Variants in HLA-DMA observed in about 807,000 individuals in gnomAD.
HLA-DMA encodes HLA class II histocompatibility antigen, DM alpha chain.
HLA-DMA carries 20 observed loss-of-function variants against 27.3 expected under a neutral mutation model. The observed-to-expected ratio is 0.73, with a 90% CI of 0.52 to 1.07. HLA-DMA has a LOEUF of 1.07. Ranked by LOEUF, HLA-DMA falls within the 50% of genes least tolerant of loss-of-function variation. HLA-DMA has a pLI of 0.00. For missense variants in HLA-DMA, 241 were observed against 321.7 expected (o/e 0.75, Z 1.92); for synonymous variants, 111 against 126.8 (o/e 0.88, Z 0.83).
At chr6:32,951,473 T>C (rs1386212029) in intron 1 of HLA-DMA, among the ~76,000 whole-genome samples, 4 of 151,150 alleles carry the variant, frequency 2.6e-5, no homozygotes, top group Non-Finnish European at 4.4e-5. Context: ...CTACAAAAAA[T>C]ACAAAAACTT....
intron 1 of HLA-DMA, 143 bp downstream of exon 1, chr6:32,952,806 A>G: frequency 4.4e-6 from 3 of 681,146 alleles, no homozygotes; most frequent in Non-Finnish European, 8.0e-6. Flanking sequence ...CCAACCACAC[A>G]TAGCAGCTGT....
In HLA-DMA at chr6:32,950,332, C is replaced by T. The variant is rs1003147733; in HGVS notation, c.373+187G>A. On this transcript the variant is annotated intron_variant, in intron 2 of 4. Transcript: ENST00000374843. This position sits in a 1 kb window ranked among gnomAD's most constrained non-coding sequence, Gnocchi z 5.0. ...AATACATAGTTCTGAATGCCTACTA[C>T]ATGCTAGGTACTTCGGCCCACCAAA... is the stretch of plus-strand genomic sequence containing the variant. 2 of 697,870 alleles carry T rather than the reference C, an allele frequency of 2.9e-6. No individual in the cohort carries two copies. The highest frequency in any genetic ancestry group is 2.5e-5 in the Admixed American group (1 of 40,676). The allele number at this position is 697,870 out of a possible 1,614,324, so 43.2% of individuals were successfully genotyped here.
Position 32,949,974 on chromosome 6 carries a change from G to T in HLA-DMA, c.374-85C>A. ...TTTGGAGGGGCCATGGCATATGGAG[G>T]GGAGGGCAGAGAAGAACACAGTGGG... is the stretch of plus-strand genomic sequence containing the variant. On this transcript the variant is annotated intron_variant, in intron 2 of 4. Transcript: ENST00000374843. This position sits in a 1 kb window ranked among gnomAD's most constrained non-coding sequence, Gnocchi z 5.8. The T allele has an allele frequency of 7.3e-7, 1 of 1,367,130 alleles. No homozygotes were observed. The highest frequency in any genetic ancestry group is 1.0e-6 in the Non-Finnish European group (1 of 982,026). The allele number at this position is 1,367,130 out of a possible 1,614,324, so 84.7% of individuals were successfully genotyped here. A position where few individuals can be genotyped will look rare whatever the true frequency, so the allele number is the denominator to read the frequency against.
At chr6:32,951,560 AGTTGGG>A (rs1174239513) in intron 1 of HLA-DMA, among the ~76,000 whole-genome samples, 2 of 149,628 alleles carry the variant, frequency 1.3e-5, no homozygotes, top group African/African-American at 2.5e-5. Flanking sequence ...GTGCCTAGGA[AGTTGGG>A]GCTGCAGTGA....
Position 32,948,871 on chromosome 6 carries a change from G to C in HLA-DMA, c.782-3C>G, listed in dbSNP as rs367902530. 8.7e-6 allele frequency: 14 copies of C among 1,613,650 alleles called. No homozygotes were observed. The highest frequency in any genetic ancestry group is 4.4e-5 in the South Asian group (4 of 91,058). ...AACTCTGGTCTGGAAGAATCAGTCT[G>C]GGGGAGAGACAGGGATGGAGGAAAG... On this transcript the variant is annotated splice_region_variant and splice_polypyrimidine_tract_variant and intron_variant, in intron 4 of 4. Coordinates refer to ENST00000374843, the MANE Select transcript of HLA-DMA (RefSeq NM_006120.4).
chr6:32,951,591 A>G (rs1776901504), intron 1 of HLA-DMA, among the ~76,000 whole-genome samples: 1 of 151,952 alleles, frequency 6.6e-6, no homozygotes, highest in African/African-American at 2.4e-5. Flanking sequence ...TGATTGTGCC[A>G]CTGGACTCCA....
Sources: gnomAD v4.1 joint callset for allele counts (sites outside exome capture counted in the v4.1 genomes callset) on GRCh38, gnomAD v4.1.1 for gene constraint, Gnocchi (gnomAD v3.1) non-coding constraint, MANE v1.5 for transcripts, NCBI Gene and HGNC (gene_info 2026-07-23, HGNC 2026-07-21) for gene names.